The following KSR2 variants were observed in gnomAD, a reference collection of about 807,000 sequenced individuals.
KSR2 encodes kinase suppressor of ras 2.
In KSR2, 25 loss-of-function variants were observed where a neutral mutation model predicts 107.8. That is an observed-to-expected ratio of 0.23 (90% CI 0.17 to 0.32). The LOEUF (loss-of-function observed/expected upper bound fraction) is 0.32. Among genes scored for constraint, KSR2 ranks in the 10% least tolerant of loss-of-function variants. KSR2 has a pLI of 1.00. For missense variants in KSR2, 887 were observed against 1,268.9 expected, an observed-to-expected ratio of 0.70 and a Z score of 4.57; for synonymous variants, 480 against 507.0, an observed-to-expected ratio of 0.95 and a Z score of 0.71.
chr12:117,596,492 G>A lies in KSR2; in HGVS notation c.1172-14133C>T, dbSNP rs992872044. 7.9e-5 allele frequency among the ~76,000 whole-genome samples: 12 copies of A among 152,178 alleles called. No homozygotes were observed. In the East Asian group the frequency reaches 9.7e-4, roughly 12 times the overall value. ...TTCCCACCTGCCATAACGCACCAACGAACACCTACCCAGACATCACCTCGT... is the reference window on the plus strand; with the variant it reads ...TTCCCACCTGCCATAACGCACCAACAAACACCTACCCAGACATCACCTCGT... On this transcript the variant is annotated intron_variant, in intron 5 of 19. Coordinates refer to ENST00000339824, the MANE Select transcript of KSR2 (RefSeq NM_173598.6).
At chr12:117,641,423 GA>G (rs1883351422) in intron 5 of KSR2, among the ~76,000 whole-genome samples, 2 of 152,280 alleles carry the variant, frequency 1.3e-5, no homozygotes, top group South Asian at 4.1e-4. Flanking sequence ...ACCACTAGTA[GA>G]ATCTTTCCCT....
chr12:117,736,626 G>A (rs584706), intron 4 of KSR2, among the ~76,000 whole-genome samples: 135,711 of 152,080 alleles, frequency 0.89, 60,822 homozygotes, highest in African/African-American at 0.96. Flanking sequence ...CCTGGGCAAC[G>A]TGGCGAAACC....
intron 1 of KSR2, among the ~76,000 whole-genome samples, chr12:117,875,131 T>A (rs867813049): frequency 2.0e-5 from 3 of 152,090 alleles, no homozygotes; most frequent in African/African-American, 7.2e-5. Flanking sequence ...TGGCGGTAAA[T>A]TTAGCAGCAT....
chr12:117,863,481 G>A (rs534667181), intron 1 of KSR2, among the ~76,000 whole-genome samples: 1 of 152,284 alleles, frequency 6.6e-6, no homozygotes, highest in South Asian at 2.1e-4. Context: ...CTGCAGTGAT[G>A]TGTGCTAATA....
chr12:117,665,616 C>T (rs1328158505), intron 5 of KSR2, among the ~76,000 whole-genome samples: 2 of 152,128 alleles, frequency 1.3e-5, no homozygotes, highest in Non-Finnish European at 2.9e-5. Flanking sequence ...AACCATCAGC[C>T]CACAGGCTGT....
At chr12:117,905,363 G>A (rs1162659463) in intron 1 of KSR2, among the ~76,000 whole-genome samples, 2 of 152,032 alleles carry the variant, frequency 1.3e-5, no homozygotes, top group Non-Finnish European at 2.9e-5. Context: ...TGATAGTTAC[G>A]TTTGTTATAA....
intron 7 of KSR2, among the ~76,000 whole-genome samples, chr12:117,576,833 T>C (rs1275381699): frequency 6.6e-6 from 1 of 151,932 alleles, no homozygotes; most frequent in Non-Finnish European, 1.5e-5. Flanking sequence ...TTTGTGTGTG[T>C]GTGTGTGGAT....
intron 3 of KSR2, among the ~76,000 whole-genome samples, chr12:117,828,769 T>C (rs1891848838): frequency 1.3e-5 from 2 of 152,178 alleles, no homozygotes; most frequent in Admixed American, 6.5e-5. Context: ...TCTGAAACTT[T>C]CCGAGACCCT....
At chr12:117,547,847 A>C (rs778044223) in intron 9 of KSR2, among the ~76,000 whole-genome samples, 52 of 152,288 alleles carry the variant, frequency 3.4e-4, no homozygotes, top group South Asian at 6.2e-4. Context: ...CTGTAATCCC[A>C]GCACTTTGGG....
At chr12:117,523,743 C>T (rs892089907) in intron 14 of KSR2, among the ~76,000 whole-genome samples, 1 of 152,150 alleles carries the variant, frequency 6.6e-6, no homozygotes, top group East Asian at 1.9e-4. Flanking sequence ...GAGGCCAAGG[C>T]GGGCGGATCA....
chr12:117,839,358 C>T (rs991978295), intron 3 of KSR2, among the ~76,000 whole-genome samples: 1 of 152,184 alleles, frequency 6.6e-6, no homozygotes, highest in African/African-American at 2.4e-5. Context: ...AGTGCTGGTA[C>T]CCCGCAATTT....
chr12:117,886,605 T>C (rs768315362), intron 1 of KSR2, among the ~76,000 whole-genome samples: 11 of 152,206 alleles, frequency 7.2e-5, no homozygotes, highest in Non-Finnish European at 1.2e-4. Flanking sequence ...CACTCCCTGA[T>C]GTTTACACAA....
At chr12:117,639,748 C>T (rs1205323961) in intron 5 of KSR2, among the ~76,000 whole-genome samples, 1 of 151,706 alleles carries the variant, frequency 6.6e-6, no homozygotes, top group East Asian at 1.9e-4. Flanking sequence ...TGCACCCTCC[C>T]TCATGGTGGG....
intron 1 of KSR2, among the ~76,000 whole-genome samples, chr12:117,964,277 C>CATAGGTAGCA (rs1896735298): frequency 6.6e-6 from 1 of 152,170 alleles, no homozygotes; most frequent in Non-Finnish European, 1.5e-5. Context: ...GTTCTATCCT[C>CATAGGTAGCA]TCTTGGAGGC....
intron 3 of KSR2, among the ~76,000 whole-genome samples, chr12:117,839,934 CTCATT>C (rs1386815671): frequency 6.6e-6 from 1 of 152,102 alleles, no homozygotes; most frequent in African/African-American, 2.4e-5. Context: ...TTCAAACTTT[CTCATT>C]TAAGTTACAC....
intron 12 of KSR2, among the ~76,000 whole-genome samples, chr12:117,528,633 T>G (rs1875392753): frequency 2.0e-5 from 3 of 152,210 alleles, no homozygotes; most frequent in Admixed American, 2.0e-4. Flanking sequence ...ATTAACCAAT[T>G]ATTCATAGCA....
At position 117,952,984 on chromosome 12, in the gene KSR2, C is replaced by CAAA. The variant is rs33941668; in HGVS notation, c.180+15089_180+15091dup. On this transcript the variant is annotated intron_variant, in intron 1 of 19. Coordinates refer to ENST00000339824, the MANE Select transcript of KSR2 (RefSeq NM_173598.6). ...TGGGCAATAGAGTGAGACTCCATCT[C>CAAA]AAAAAAAAAAAAAAAAAAAAATTTT... Among the ~76,000 whole-genome samples the CAAA allele has an allele frequency of 4.0e-3, 402 of 100,532 alleles. 4 individuals carry two copies. The highest frequency in any genetic ancestry group is 0.014 in the African/African-American group (334 of 24,656). 66.0% of individuals were successfully genotyped at this position (100,532 alleles called of 152,430 possible). A position where few individuals can be genotyped will look rare whatever the true frequency, so the allele number is the denominator to read the frequency against.
chr12:117,728,121 T>C (rs772926957), intron 4 of KSR2, among the ~76,000 whole-genome samples: 1 of 152,200 alleles, frequency 6.6e-6, no homozygotes, highest in Non-Finnish European at 1.5e-5. Flanking sequence ...TCTGTCTTGA[T>C]TGGGGCAGTG....
At chr12:117,794,512 CACACACACCAACAT>C (rs1169526832) in intron 3 of KSR2, among the ~76,000 whole-genome samples, 3,325 of 139,192 alleles carry the variant, frequency 0.024, 209 homozygotes, top group African/African-American at 0.092. Flanking sequence ...ACACAACATG[CACACACACCAACAT>C]GCACACACAA....
Sources: allele counts gnomAD v4.1 joint callset (sites outside exome capture counted in the v4.1 genomes callset), GRCh38; gene constraint gnomAD v4.1.1; transcripts MANE v1.5; gene names NCBI Gene and HGNC (gene_info 2026-07-23, HGNC 2026-07-21).